LYST: variants seen among roughly 807,000 people sequenced by gnomAD.
LYST encodes the protein lysosomal trafficking regulator, also known as lysosomal-trafficking regulator.
A neutral mutation model predicts 413.6 loss-of-function variants in LYST; 192 were observed. The ratio of observed to expected loss-of-function variants is 0.46; its 90% CI spans 0.41 to 0.52. The LOEUF (loss-of-function observed/expected upper bound fraction) is 0.52, where lower values mean the gene tolerates loss of function less well. Among genes scored for constraint, LYST ranks in the 20% least tolerant of loss-of-function variants. LYST has a pLI of 0.00. For missense variants in LYST, 3,815 were observed against 4,499.9 expected, an observed-to-expected ratio of 0.85 and a Z score of 4.35; for synonymous variants, 1,525 against 1,567.3, an observed-to-expected ratio of 0.97 and a Z score of 0.64.
chr1:235,801,174 A>C (rs1394659519), intron 8 of LYST, 77 bp from the exon 9 acceptor site: 4 of 949,234 alleles, frequency 4.2e-6, no homozygotes, highest in African/African-American at 1.6e-5. Flanking sequence ...CATTTAGAAG[A>C]TCTAGTGGCA....
chr1:235,769,518 C>A (rs2103412360), intron 20 of LYST, among the ~76,000 whole-genome samples: 1 of 152,058 alleles, frequency 6.6e-6, no homozygotes, highest in Middle Eastern at 3.4e-3. Context: ...ACTTATCTAA[C>A]TTGACAAAGT....
At chr1:235,669,009 T>C (rs761086974) in intron 50 of LYST, among the ~76,000 whole-genome samples, 1 of 152,226 alleles carries the variant, frequency 6.6e-6, no homozygotes, top group Non-Finnish European at 1.5e-5. Context: ...AACACAAGAA[T>C]AGATGAATGT....
At chr1:235,741,750 C>T in intron 30 of LYST, 122 bp from the exon 31 acceptor site, 1 of 753,654 alleles carries the variant, frequency 1.3e-6, no homozygotes, top group Non-Finnish European at 2.3e-6. Context: ...TTTTAATAGT[C>T]AAAATTAGAA....
rs528375873 is a variant in LYST at position 235,763,505 on chromosome 1, T to C, written c.6122-654A>G. ...TTGCTCTGTCGCCCAGGCTGGAGTA[T>C]GGTGGTGTGATCTTTGCTCACTGCA... On this transcript the variant is annotated intron_variant, in intron 21 of 52. Transcript: ENST00000389793. Among the ~76,000 whole-genome samples the C allele has an allele frequency of 5.3e-5, 8 of 152,294 alleles. No individual in the cohort carries two copies. The South Asian group carries it at 1.5e-3, about 28-fold the overall frequency.
Position 235,723,997 on chromosome 1 carries a change from A to G in LYST, c.9315+31T>C, listed in dbSNP as rs780039099. The G allele has an allele frequency of 2.2e-5, 35 of 1,589,206 alleles. No individual in the cohort carries two copies. In the Admixed American group the frequency reaches 5.7e-4, roughly 26 times the overall value. ...TACAGTGGCCCATGAGCACTTAAACAATATATATCAATTAATAAGGGTGAA... is the reference window on the plus strand; with the variant it reads ...TACAGTGGCCCATGAGCACTTAAACGATATATATCAATTAATAAGGGTGAA... On this transcript the variant is annotated intron_variant, in intron 39 of 52. Transcript: ENST00000389793.
chr1:235,674,401 G>T lies in LYST; in HGVS notation c.11038+2690C>A, dbSNP rs1463652613. Among the ~76,000 whole-genome samples the T allele has an allele frequency of 5.1e-5, 7 of 137,782 alleles. No individual in the cohort carries two copies. Among genetic ancestry groups the T allele is most frequent in the Admixed American group, 2.1e-4 (3 of 14,022 alleles). 90.4% of individuals were successfully genotyped at this position (137,782 alleles called of 152,430 possible). ...CATCAACCAAATAGAAAGAACAATCGTAAAAAAAAAAAAAAAAGTGTCCCC... is the reference window on the plus strand; with the variant it reads ...CATCAACCAAATAGAAAGAACAATCTTAAAAAAAAAAAAAAAAGTGTCCCC... On this transcript the variant is annotated intron_variant, in intron 50 of 52. Coordinates refer to ENST00000389793, the MANE Select transcript of LYST (RefSeq NM_000081.4). This position sits in a 1 kb window ranked among gnomAD's most constrained non-coding sequence, Gnocchi z 4.1.
intron 47 of LYST, among the ~76,000 whole-genome samples, chr1:235,692,525 A>G (rs1660742421): frequency 6.6e-6 from 1 of 151,594 alleles, no homozygotes; most frequent in Admixed American, 6.6e-5. Flanking sequence ...GAATTACAGG[A>G]ATGTGCCACC....
chr1:235,673,825 A>G (rs1659162589), intron 50 of LYST, among the ~76,000 whole-genome samples: 1 of 152,248 alleles, frequency 6.6e-6, no homozygotes, highest in African/African-American at 2.4e-5. Context: ...ATAAAAGTCA[A>G]GGATTTAAAA....
chr1:235,732,093 T>C (rs1664433891), intron 34 of LYST, among the ~76,000 whole-genome samples: 1 of 152,102 alleles, frequency 6.6e-6, no homozygotes, highest in African/African-American at 2.4e-5. Flanking sequence ...GCATCTGTTT[T>C]TAATTTGTAG....
At chr1:235,693,203 G>A (rs1344072427) in intron 47 of LYST, 147 bp downstream of exon 47, 9 of 618,434 alleles carry the variant, frequency 1.5e-5, no homozygotes, top group Non-Finnish European at 2.2e-5. Flanking sequence ...TGTAGTCCCA[G>A]CTACTTGGGA....
chr1:235,818,940 C>T (rs768505749), intron 3 of LYST, among the ~76,000 whole-genome samples: 1 of 152,198 alleles, frequency 6.6e-6, no homozygotes, highest in Non-Finnish European at 1.5e-5. Context: ...CCCAGCAACA[C>T]CTCTTCTGTG....
Position 235,712,094 on chromosome 1 carries a change from C to G in LYST, c.9888G>C (p.Glu3296Asp). 6.4e-7 allele frequency: 1 copy of G among 1,553,508 alleles called. No homozygotes were observed. The highest frequency in any genetic ancestry group is 1.2e-5 in the South Asian group (1 of 84,428). Reference sequence around the variant, plus strand: ...CTAGGAACTCTGGAAGATAGAAAAACTCTGGGATAAGTTCTTTCACATCAG... The same window carrying G: ...CTAGGAACTCTGGAAGATAGAAAAAGTCTGGGATAAGTTCTTTCACATCAG... Reference protein sequence around the residue: ...SMTDVKELIPEFFYLPEFLVN... With the variant: ...SMTDVKELIPDFFYLPEFLVN... Residue 3296 changes from glutamate (E) to aspartate (D), a missense_variant, in exon 43 of 53, where the codon GAG (glutamate) becomes GAC (aspartate). Physicochemically the swap from Glu to Asp is conservative, Grantham distance 45. Transcript: ENST00000389793.
chr1:235,713,359 T>A (rs546100100), intron 42 of LYST, among the ~76,000 whole-genome samples: 12 of 152,232 alleles, frequency 7.9e-5, no homozygotes, highest in Admixed American at 5.9e-4. Flanking sequence ...TTTGTAAGGC[T>A]ATGGTGAGGT....
rs749857705 is a variant in LYST at position 235,809,916 on chromosome 1, C to T, written c.902G>A (p.Ser301Asn). 8.1e-6 allele frequency: 13 copies of T among 1,614,000 alleles called. No homozygotes were observed. The highest frequency in any genetic ancestry group is 5.5e-5 in the South Asian group (5 of 91,078). ...TCGACTCTCCAAGTTGTCGCTCAGACTGCAGCAGTCCCCAAAGCCTGCTAG... is the reference window on the plus strand; with the variant it reads ...TCGACTCTCCAAGTTGTCGCTCAGATTGCAGCAGTCCCCAAAGCCTGCTAG... The part of the protein sequence containing the change: ...EFLAGFGDCC[S>N]LSDNLESRVV... Residue 301 changes from serine to asparagine, a missense_variant, in exon 5 of 53, where the codon AGT becomes AAT. Ser to Asn is a conservative substitution (Grantham distance 46, BLOSUM62 1). This residue lies in a region of LYST where 1,648 missense variants were observed against 1,810.3 expected (regional missense o/e 0.91). Coordinates refer to ENST00000389793, the MANE Select transcript of LYST (RefSeq NM_000081.4). This position sits in a 1 kb window ranked among gnomAD's most constrained non-coding sequence, Gnocchi z 4.0.
intron 44 of LYST, among the ~76,000 whole-genome samples, chr1:235,705,391 T>C (rs9662804): frequency 6.6e-6 from 1 of 150,422 alleles, no homozygotes; most frequent in Non-Finnish European, 1.5e-5. Flanking sequence ...TACTTTTTTT[T>C]AAAAAAAAAA....
At chr1:235,789,199 C>G (rs1338393532) in intron 12 of LYST, among the ~76,000 whole-genome samples, 1 of 152,076 alleles carries the variant, frequency 6.6e-6, no homozygotes, top group Admixed American at 6.6e-5. Flanking sequence ...GTCCAGGGAG[C>G]ACACATCATT....
At position 235,674,047 on chromosome 1, in the gene LYST, G is replaced by A. The variant is rs749914971; in HGVS notation, c.11038+3044C>T. ...CTCTTCCAAGACCCCACAGCCCGGG[G>A]CAATAAGGCATGCCAGTCTCTCGTT... On this transcript the variant is annotated intron_variant, in intron 50 of 52. Coordinates refer to ENST00000389793, the MANE Select transcript of LYST (RefSeq NM_000081.4). This position sits in a 1 kb window ranked among gnomAD's most constrained non-coding sequence, Gnocchi z 4.1. Among the ~76,000 whole-genome samples, 1 of 152,124 alleles carries A rather than the reference G, an allele frequency of 6.6e-6. No homozygotes were observed. The highest frequency in any genetic ancestry group is 1.5e-5 in the Non-Finnish European group (1 of 68,012).
At chr1:235,851,874 GA>G (rs1678580872) in intron 1 of LYST, among the ~76,000 whole-genome samples, 1 of 152,088 alleles carries the variant, frequency 6.6e-6, no homozygotes, top group Non-Finnish European at 1.5e-5. Context: ...GAAAATTCAT[GA>G]AAACCAATTT....
At chr1:235,756,348 A>G (rs561165197) in intron 24 of LYST, among the ~76,000 whole-genome samples, 5 of 152,236 alleles carry the variant, frequency 3.3e-5, no homozygotes, top group Admixed American at 3.3e-4. Context: ...CCTATGCTCA[A>G]TTCTCTATTA....
Sources: gnomAD v4.1 joint callset for allele counts (sites outside exome capture counted in the v4.1 genomes callset) on GRCh38, gnomAD v4.1.1 for gene constraint, gnomAD v4.1.1 regional missense constraint, Gnocchi (gnomAD v3.1) non-coding constraint, MANE v1.5 for transcripts, NCBI Gene and HGNC (gene_info 2026-07-23, HGNC 2026-07-21) for gene names.